CLASP2: variants seen among roughly 807,000 people sequenced by gnomAD.
The protein encoded by CLASP2 is cytoplasmic linker associated protein 2.
CLASP2 carries 47 observed loss-of-function variants against 194.4 expected under a neutral mutation model. The ratio of observed to expected loss-of-function variants is 0.24; its 90% CI spans 0.19 to 0.31. The LOEUF (loss-of-function observed/expected upper bound fraction) is 0.31. Among genes scored for constraint, CLASP2 ranks in the 10% least tolerant of loss-of-function variants. CLASP2 has a pLI of 1.00. For missense variants in CLASP2, 1,445 were observed against 1,823.6 expected (o/e 0.79, Z 3.78); for synonymous variants, 619 against 633.5 (o/e 0.98, Z 0.34).
chr3:33,676,094 A>G (rs1050971808), intron 6 of CLASP2, among the ~76,000 whole-genome samples: 1 of 152,146 alleles, frequency 6.6e-6, no homozygotes, highest in Non-Finnish European at 1.5e-5. Flanking sequence ...TTTAAAGTTC[A>G]TATGGAACCA....
At chr3:33,574,398 C>T (rs2064396601) in intron 24 of CLASP2, 3 of 838,140 alleles carry the variant, frequency 3.6e-6, no homozygotes, top group South Asian at 1.9e-5. Flanking sequence ...TAATAGAAGA[C>T]CATCATTTGT....
At chr3:33,553,701 A>G (rs780011133) in intron 29 of CLASP2, among the ~76,000 whole-genome samples, 5 of 152,228 alleles carry the variant, frequency 3.3e-5, no homozygotes, top group Non-Finnish European at 5.9e-5. Context: ...AAGATGAAAG[A>G]TATGTGTTGG....
chr3:33,602,343 A>C, intron 18 of CLASP2: 1 of 548,722 alleles, frequency 1.8e-6, no homozygotes, highest in Non-Finnish European at 3.2e-6. Context: ...TCAGATTTTT[A>C]GATTAGGTAT....
At chr3:33,563,252 C>T (rs974282199) in intron 27 of CLASP2, among the ~76,000 whole-genome samples, 14 of 152,078 alleles carry the variant, frequency 9.2e-5, no homozygotes, top group African/African-American at 3.1e-4. Context: ...TATGTTTGGC[C>T]GTTCTGTAAC....
chr3:33,537,929 C>A (rs1290152843), intron 33 of CLASP2, among the ~76,000 whole-genome samples: 1 of 152,140 alleles, frequency 6.6e-6, no homozygotes, highest in Non-Finnish European at 1.5e-5. Flanking sequence ...ATCACAAGGT[C>A]AGGAGATCGA....
Position 33,627,053 on chromosome 3 carries a change from T to C in CLASP2, c.970A>G (p.Thr324Ala). The C allele has an allele frequency of 6.3e-7, 1 of 1,579,372 alleles. No individual in the cohort carries two copies. Among genetic ancestry groups the C allele is most frequent in the Admixed American group, 1.7e-5 (1 of 57,262 alleles). Residue 324 changes from threonine (T) to alanine (A), a missense_variant, in exon 10 of 39, where the codon ACA (threonine) becomes GCA (alanine). Physicochemically the swap from Thr to Ala is moderately conservative, Grantham distance 58 (BLOSUM62 0). Around this residue, in one of 4 missense-constraint regions of CLASP2, gnomAD observed 207 missense variants for 331.4 expected, o/e 0.62. Transcript: ENST00000682230. ...AAAATTTCCCTGATTTTATTTAATG[T>C]TTCTTCGAGTTCTCGACTAGAATAA... ...QIYSSRELEETLNKIREILSD... is the reference protein window; with the variant it reads ...QIYSSRELEEALNKIREILSD...
intron 18 of CLASP2, among the ~76,000 whole-genome samples, chr3:33,597,811 G>A (rs2070879391): frequency 6.7e-6 from 1 of 149,718 alleles, no homozygotes; most frequent in African/African-American, 2.5e-5. Flanking sequence ...GGAGTGCAAT[G>A]GCACAATCTC....
chr3:33,526,014 G>A (rs2054452948), intron 34 of CLASP2, among the ~76,000 whole-genome samples: 1 of 152,084 alleles, frequency 6.6e-6, no homozygotes, highest in Admixed American at 6.5e-5. Context: ...TGACCAGGGG[G>A]CGGAAGGGAT....
intron 11 of CLASP2, among the ~76,000 whole-genome samples, chr3:33,620,984 T>C (rs985992063): frequency 2.7e-5 from 4 of 147,444 alleles, no homozygotes; most frequent in African/African-American, 1.0e-4. Flanking sequence ...CATATTATGA[T>C]CTCTGTAGCT....
At chr3:33,525,647 T>C (rs1473649315) in intron 34 of CLASP2, among the ~76,000 whole-genome samples, 1 of 152,118 alleles carries the variant, frequency 6.6e-6, no homozygotes, top group Non-Finnish European at 1.5e-5. Context: ...CTTCAGTCTG[T>C]CAGAACTATG....
At chr3:33,588,728 G>A in intron 21 of CLASP2, 1 of 702,334 alleles carries the variant, frequency 1.4e-6, no homozygotes, top group Non-Finnish European at 2.6e-6. Flanking sequence ...AGCAGATTGT[G>A]ATCCTGAACA....
intron 6 of CLASP2, among the ~76,000 whole-genome samples, chr3:33,672,225 C>T (rs149445362): frequency 1.1e-4 from 16 of 152,228 alleles, no homozygotes; most frequent in East Asian, 1.9e-4. Context: ...CTCACATGGC[C>T]GGGGACTCCT....
intron 8 of CLASP2, among the ~76,000 whole-genome samples, chr3:33,639,126 C>T (rs967225253): frequency 1.5e-4 from 23 of 151,896 alleles, no homozygotes; most frequent in African/African-American, 4.6e-4. Context: ...GGTGTGATCA[C>T]GGTGCACTAC....
rs1439486352 is a variant in CLASP2 at position 33,717,732 on chromosome 3, G to A, written c.195+76C>T. On this transcript the variant is annotated intron_variant, in intron 1 of 38. Coordinates refer to ENST00000682230, the MANE Select transcript of CLASP2 (RefSeq NM_001365631.1). ...CAGTGGTTCGGACGGGAGCTTTCCC[G>A]GCCCGGCGCTCGCGTCCGGGATTAA... 5.4e-6 allele frequency: 8 copies of A among 1,475,268 alleles called. No homozygotes were observed. The Admixed American group carries it at 1.0e-4, about 18-fold the overall frequency. The allele number at this position is 1,475,268 out of a possible 1,614,324, so 91.4% of individuals were successfully genotyped here. A position where few individuals can be genotyped will look rare whatever the true frequency, so the allele number is the denominator to read the frequency against.
At chr3:33,504,537 T>C (rs1412554463) in intron 37 of CLASP2, 2 of 152,166 alleles carry the variant, frequency 1.3e-5, no homozygotes, top group African/African-American at 2.4e-5. Flanking sequence ...TACAATTCTG[T>C]CTTAGCCCAA....
chr3:33,523,927 T>C (rs1189468244), intron 34 of CLASP2, among the ~76,000 whole-genome samples: 1 of 151,862 alleles, frequency 6.6e-6, no homozygotes. Flanking sequence ...GTAACCCCCA[T>C]GGAAACAACC....
At chr3:33,549,711 A>G (rs2059684206) in intron 30 of CLASP2, among the ~76,000 whole-genome samples, 1 of 151,710 alleles carries the variant, frequency 6.6e-6, no homozygotes, top group African/African-American at 2.4e-5. Flanking sequence ...AATAAAGATC[A>G]CAAAAAATGT....
chr3:33,550,627 T>C (rs530991470), intron 30 of CLASP2, among the ~76,000 whole-genome samples: 1 of 151,690 alleles, frequency 6.6e-6, no homozygotes, highest in Admixed American at 6.6e-5. Flanking sequence ...AGCAGAGATG[T>C]TGAAAATATT....
chr3:33,592,411 C>T lies in CLASP2; in HGVS notation c.2052G>A (p.Met684Ile). The change falls in exon 21 of 39, where the codon ATG becomes ATA. Residue 684 changes from methionine to isoleucine, a missense_variant. This residue lies in a region of CLASP2 where 174 missense variants were observed against 179.0 expected (regional missense o/e 0.97). Coordinates refer to ENST00000682230, the MANE Select transcript of CLASP2 (RefSeq NM_001365631.1). ...ADSRGRSRTKMVSQSQPGSRS... is the reference protein window; with the variant it reads ...ADSRGRSRTKIVSQSQPGSRS... ...AATACATACGCTGTGATTGAGACAC[C>T]ATTTTTGTTCGACTTCTTCCTCTAG... 6.2e-7 allele frequency: 1 copy of T among 1,612,660 alleles called. No homozygotes were observed. The highest frequency in any genetic ancestry group is 8.5e-7 in the Non-Finnish European group (1 of 1,179,110).
Sources: gnomAD v4.1 joint callset for allele counts (sites outside exome capture counted in the v4.1 genomes callset) on GRCh38, gnomAD v4.1.1 for gene constraint, gnomAD v4.1.1 regional missense constraint, MANE v1.5 for transcripts, NCBI Gene and HGNC (gene_info 2026-07-23, HGNC 2026-07-21) for gene names.